The following PTPRR variants were observed in gnomAD, a reference collection of about 807,000 sequenced individuals.
The protein encoded by PTPRR is protein tyrosine phosphatase receptor type R.
In PTPRR, 38 loss-of-function variants were observed where a neutral mutation model predicts 77.2. The observed-to-expected ratio is 0.49, with a 90% confidence interval of 0.38 to 0.65. The LOEUF is 0.65. PTPRR is among the 30% of genes least tolerant of loss of function. The pLI, the probability that PTPRR is intolerant of heterozygous loss-of-function variation, is 0.00. For missense variants in PTPRR, 744 were observed against 799.2 expected, an observed-to-expected ratio of 0.93 and a Z score of 0.83; for synonymous variants, 299 against 283.1, an observed-to-expected ratio of 1.06 and a Z score of -0.57.
intron 10 of PTPRR, among the ~76,000 whole-genome samples, chr12:70,668,146 G>GACT (rs1887078270): frequency 6.6e-6 from 1 of 152,106 alleles, no homozygotes; most frequent in Non-Finnish European, 1.5e-5. Flanking sequence ...TTGCACTGTA[G>GACT]ACTATCCTTT....
At chr12:70,836,513 C>T (rs1892307436) in intron 2 of PTPRR, among the ~76,000 whole-genome samples, 1 of 151,884 alleles carries the variant, frequency 6.6e-6, no homozygotes. Context: ...GACTAAAGTC[C>T]AAAACCTTAA....
chr12:70,906,774 T>C (rs139825252), intron 1 of PTPRR: 20 of 152,282 alleles, frequency 1.3e-4, no homozygotes, highest in Admixed American at 2.0e-4. Flanking sequence ...CAAAAATATT[T>C]ATCCTTAAAC....
intron 2 of PTPRR, among the ~76,000 whole-genome samples, chr12:70,887,018 G>A (rs1893250979): frequency 6.6e-6 from 1 of 152,246 alleles, no homozygotes; most frequent in African/African-American, 2.4e-5. Flanking sequence ...GTTTTAAACA[G>A]TGTCACCCTG....
At chr12:70,645,979 C>G (rs1886183953) in intron 13 of PTPRR, among the ~76,000 whole-genome samples, 1 of 152,162 alleles carries the variant, frequency 6.6e-6, no homozygotes, top group Admixed American at 6.5e-5. Context: ...ACAGCCTTTC[C>G]TGTCGTACCG....
chr12:70,907,566 T>G (rs1893640479), intron 1 of PTPRR, among the ~76,000 whole-genome samples: 1 of 152,238 alleles, frequency 6.6e-6, no homozygotes, highest in Non-Finnish European at 1.5e-5. Context: ...TCATGTTTCC[T>G]GATTTTTGCC....
chr12:70,915,326 T>A (rs1893759742), intron 1 of PTPRR, among the ~76,000 whole-genome samples: 1 of 152,186 alleles, frequency 6.6e-6, no homozygotes, highest in South Asian at 2.1e-4. Flanking sequence ...AAGAAAAGGC[T>A]GAATGTGCAT....
rs986952265 is a variant in PTPRR, at chr12:70,639,548, G to T, written c.1881-271C>A. The stretch of plus-strand genomic sequence containing the variant: ...GTAACATTACTGGGGAGGTGGTACA[G>T]CCTAATGATCAAGTACTTGGATTTG... On this transcript the variant is annotated intron_variant, in intron 13 of 13. Coordinates refer to ENST00000283228, the MANE Select transcript of PTPRR (RefSeq NM_002849.4). The T allele has an allele frequency of 8.8e-6, 10 of 1,141,700 alleles. No individual in the cohort carries two copies. The African/African-American group carries it at 1.6e-4, about 19-fold the overall frequency. The allele number at this position is 1,141,700 out of a possible 1,614,324, so 70.7% of individuals were successfully genotyped here. A position where few individuals can be genotyped will look rare whatever the true frequency, so the allele number is the denominator to read the frequency against.
At chr12:70,830,958 T>A (rs994822602) in intron 2 of PTPRR, among the ~76,000 whole-genome samples, 4 of 152,220 alleles carry the variant, frequency 2.6e-5, no homozygotes, top group Non-Finnish European at 4.4e-5. Context: ...ATGCCTGACA[T>A]ATACAGTGTT....
intron 2 of PTPRR, among the ~76,000 whole-genome samples, chr12:70,861,288 G>C (rs1396365170): frequency 6.6e-6 from 1 of 152,112 alleles, no homozygotes. Flanking sequence ...CACAGTCTCT[G>C]AGGGCATCTG....
chr12:70,689,752 T>C (rs1438957371), intron 8 of PTPRR, among the ~76,000 whole-genome samples: 1 of 152,200 alleles, frequency 6.6e-6, no homozygotes, highest in Admixed American at 6.5e-5. Context: ...TTGCCAAGCA[T>C]GCTCCGTGCT....
At chr12:70,702,640 A>G (rs1888469681) in intron 6 of PTPRR, among the ~76,000 whole-genome samples, 1 of 152,228 alleles carries the variant, frequency 6.6e-6, no homozygotes, top group African/African-American at 2.4e-5. Flanking sequence ...TCTCTGATGA[A>G]TCTGCCTCTG....
intron 10 of PTPRR, among the ~76,000 whole-genome samples, chr12:70,663,648 T>G (rs750256003): frequency 4.3e-4 from 65 of 152,196 alleles, no homozygotes; most frequent in Middle Eastern, 6.3e-3. Flanking sequence ...TTTAAACAAC[T>G]GTAAAATAAC....
At chr12:70,721,708 CT>C (rs1333943408) in intron 6 of PTPRR, among the ~76,000 whole-genome samples, 2 of 152,158 alleles carry the variant, frequency 1.3e-5, no homozygotes, top group Non-Finnish European at 2.9e-5. Flanking sequence ...ACACCGCAAA[CT>C]TTTCTAGCCC....
At chr12:70,652,529 G>A (rs1249625173) in intron 13 of PTPRR, among the ~76,000 whole-genome samples, 1 of 152,184 alleles carries the variant, frequency 6.6e-6, no homozygotes, top group Non-Finnish European at 1.5e-5. Context: ...AAAGAATGCA[G>A]AAAGGGTCTT....
Position 70,761,473 on chromosome 12 carries a change from C to G in PTPRR, c.625G>C (p.Glu209Gln). The G allele has an allele frequency of 6.2e-7, 1 of 1,602,866 alleles. No individual in the cohort carries two copies. Among genetic ancestry groups the G allele is most frequent in the Non-Finnish European group, 8.5e-7 (1 of 1,174,674 alleles). The change falls in exon 4 of 14, where the codon GAG (glutamate) becomes CAG (glutamine). Residue 209 changes from glutamate to glutamine, a missense_variant and splice_region_variant. By Grantham distance (29) the Glu-to-Gln change is conservative. Transcript: ENST00000283228. ...AATTGTTTCGTGCAACAACATACCTCAGGAGAGACTTCTGTAATTCCAAAC... is the reference window on the plus strand; with the variant it reads ...AATTGTTTCGTGCAACAACATACCTGAGGAGAGACTTCTGTAATTCCAAAC... ...SQFGITEVSP[E>Q]KNVLQGQHEA...
chr12:70,688,420 C>T (rs1380591834), intron 8 of PTPRR, among the ~76,000 whole-genome samples: 1 of 152,100 alleles, frequency 6.6e-6, no homozygotes, highest in African/African-American at 2.4e-5. Flanking sequence ...ACAAGACATG[C>T]AAATGTCCAA....
chr12:70,796,767 C>A (rs151264331), intron 2 of PTPRR, among the ~76,000 whole-genome samples: 1 of 152,118 alleles, frequency 6.6e-6, no homozygotes, highest in Non-Finnish European at 1.5e-5. Flanking sequence ...TGGTGGCTCA[C>A]GCCTGTAATC....
chr12:70,821,213 C>CTTTTTTTTTGTTTTTTTTTTTTTT (rs1892003435), intron 2 of PTPRR, among the ~76,000 whole-genome samples: 1 of 31,972 alleles, frequency 3.1e-5, no homozygotes, highest in Admixed American at 5.3e-4. Context: ...GGGATCACTG[C>CTTTTTTTTTGTTTTTTTTTTTTTT]TTTTTTTTTT....
At chr12:70,693,797 T>A (rs1220042600) in intron 8 of PTPRR, among the ~76,000 whole-genome samples, 1 of 152,156 alleles carries the variant, frequency 6.6e-6, no homozygotes, top group African/African-American at 2.4e-5. Flanking sequence ...GGCTCTTGAG[T>A]ACTTTGCTTT....
Sources: gnomAD v4.1 joint callset for allele counts (sites outside exome capture counted in the v4.1 genomes callset) on GRCh38, gnomAD v4.1.1 for gene constraint, MANE v1.5 for transcripts, NCBI Gene and HGNC (gene_info 2026-07-23, HGNC 2026-07-21) for gene names.